Variants in PIWIL1 observed in about 807,000 individuals in gnomAD.
The protein encoded by PIWIL1 is piwi-like protein 1.
PIWIL1 carries 73 observed loss-of-function variants against 114.4 expected under a neutral mutation model. That is an observed-to-expected ratio of 0.64 (90% CI 0.53 to 0.78). The LOEUF is 0.78. Among genes scored for constraint, PIWIL1 ranks in the 30% least tolerant of loss-of-function variants. The pLI is 0.00. For missense variants in PIWIL1, 723 were observed against 1,063.1 expected (o/e 0.68, Z 4.45); for synonymous variants, 375 against 369.0 (o/e 1.02, Z -0.19).
the PIWIL1 span, among the ~76,000 whole-genome samples, chr12:130,404,285 TAAG>T: frequency 1.3e-5 from 2 of 152,182 alleles, no homozygotes; most frequent in Non-Finnish European, 2.9e-5. Context: ...ACAATCATAA[TAAG>T]ATCTATATAA....
At chr12:130,373,213 A>G (rs2073841567), downstream of PIWIL1, among the ~76,000 whole-genome samples, 1 of 152,224 alleles carries the variant, frequency 6.6e-6, no homozygotes, top group South Asian at 2.1e-4. Context: ...AAACATTTCA[A>G]TGGTAGAAGT....
the PIWIL1 span, among the ~76,000 whole-genome samples, chr12:130,403,502 C>T: frequency 6.6e-6 from 1 of 152,152 alleles, no homozygotes; most frequent in African/African-American, 2.4e-5. Context: ...ATGAAAAGTA[C>T]ATTCCTCTGA....
chr12:130,356,765 C>T (rs955379074), intron 12 of PIWIL1, among the ~76,000 whole-genome samples, 153 bp from the exon 13 acceptor site: 7 of 151,978 alleles, frequency 4.6e-5, no homozygotes, highest in Admixed American at 4.6e-4. Context: ...AGAGTCTACC[C>T]CCATTGAGGA....
the PIWIL1 span, among the ~76,000 whole-genome samples, chr12:130,416,761 T>A: frequency 6.6e-6 from 1 of 151,986 alleles, no homozygotes; most frequent in East Asian, 1.9e-4. Flanking sequence ...CAAAAGAAAC[T>A]ATCAACAGAG....
At chr12:130,395,440 A>ACTT in the PIWIL1 span, among the ~76,000 whole-genome samples, 1 of 152,172 alleles carries the variant, frequency 6.6e-6, no homozygotes, top group Non-Finnish European at 1.5e-5. Flanking sequence ...AATTGTACTT[A>ACTT]CTTATAAAAT....
Position 130,345,746 on chromosome 12 carries a change from T to A in PIWIL1, c.191-7T>A. 6.2e-7 allele frequency: 1 copy of A among 1,613,526 alleles called. No individual in the cohort carries two copies. ...TATGTTGCTCAAGTACACAATTTTT[T>A]TTTAAGGACTCCAGATATCTGCTGG... On this transcript the variant is annotated splice_polypyrimidine_tract_variant and splice_region_variant and intron_variant, in intron 3 of 20. Transcript: ENST00000245255.
chr12:130,355,755 A>G, intron 12 of PIWIL1, 88 bp downstream of exon 12: 1 of 890,942 alleles, frequency 1.1e-6, no homozygotes, highest in Non-Finnish European at 1.9e-6. Context: ...GTGCAATCTC[A>G]GCTCACTGCA....
At chr12:130,424,811 G>C in the PIWIL1 span, 1 of 1,232,606 alleles carries the variant, frequency 8.1e-7, no homozygotes, top group Admixed American at 4.2e-5. The surrounding 1 kb of genome is among the most constrained non-coding windows in gnomAD (Gnocchi z 9.8). Context: ...GGGGAAACTC[G>C]GGCTGCTCCC....
At chr12:130,346,829 G>A (rs1457404284) in intron 5 of PIWIL1, 112 bp from the exon 6 acceptor site, 1 of 1,375,712 alleles carries the variant, frequency 7.3e-7, no homozygotes, top group Non-Finnish European at 9.8e-7. Context: ...AAAAAATCCA[G>A]TTAAAACATT....
At chr12:130,388,821 T>C in the PIWIL1 span, among the ~76,000 whole-genome samples, 2 of 152,194 alleles carry the variant, frequency 1.3e-5, no homozygotes, top group African/African-American at 4.8e-5. Flanking sequence ...TCTAATGATT[T>C]GCCTGTAGTA....
chr12:130,402,756 C>T, the PIWIL1 span, among the ~76,000 whole-genome samples: 2 of 152,076 alleles, frequency 1.3e-5, no homozygotes, highest in Non-Finnish European at 2.9e-5. Context: ...TCTCTGTGCC[C>T]CAGTCAGTGA....
chr12:130,354,461 A>G (rs2073305878), intron 9 of PIWIL1, 76 bp from the exon 10 acceptor site: 3 of 1,580,838 alleles, frequency 1.9e-6, no homozygotes, highest in Non-Finnish European at 2.6e-6. Context: ...TTTTTAAAAA[A>G]TGAAACCCTT....
downstream of PIWIL1, among the ~76,000 whole-genome samples, chr12:130,374,962 C>T (rs534147327): frequency 1.2e-3 from 180 of 152,270 alleles, no homozygotes; most frequent in African/African-American, 4.0e-3. Flanking sequence ...CTACACTTCT[C>T]GTCTGCCAAG....
At chr12:130,357,363 C>T (rs542143017) in intron 13 of PIWIL1, 118 bp from the exon 14 acceptor site, 10 of 753,692 alleles carry the variant, frequency 1.3e-5, no homozygotes, top group South Asian at 3.6e-5. Context: ...TGGCTAGTCT[C>T]GGTGTTTGAT....
At chr12:130,342,025 G>C (rs1344528348) in intron 1 of PIWIL1, among the ~76,000 whole-genome samples, 1 of 152,204 alleles carries the variant, frequency 6.6e-6, no homozygotes, top group Admixed American at 6.5e-5. Context: ...TGAGGTAGAA[G>C]AGATACTAGT....
the PIWIL1 span, among the ~76,000 whole-genome samples, chr12:130,399,391 C>T: frequency 1.3e-5 from 2 of 152,158 alleles, no homozygotes; most frequent in East Asian, 1.9e-4. Context: ...CCCCTTTTCA[C>T]TCTTGATCAA....
At position 130,346,573 on chromosome 12, in the gene PIWIL1, C is replaced by T. The variant is rs757822744; in HGVS notation, c.520C>T (p.Leu174=). 4.3e-6 allele frequency: 7 copies of T among 1,612,260 alleles called. No individual in the cohort carries two copies. The East Asian group carries it at 1.6e-4, about 36-fold the overall frequency. Reference sequence around the variant, plus strand: ...AACGATATTATTTTTACCTAAAAGACTACAGCAAAAGGTTATTTGGGAAAA... The same window carrying T: ...AACGATATTATTTTTACCTAAAAGATTACAGCAAAAGGTTATTTGGGAAAA... ...DGTILFLPKR[L]QQKVTEVFSK... Residue 174 remains leucine, a synonymous_variant, in exon 5 of 21, where the codon CTA becomes TTA. Transcript: ENST00000245255.
downstream of PIWIL1, among the ~76,000 whole-genome samples, chr12:130,374,511 T>C (rs555170731): frequency 6.6e-6 from 1 of 152,328 alleles, no homozygotes; most frequent in East Asian, 1.9e-4. Flanking sequence ...TCCCTGCACT[T>C]GGAGTAAGAT....
At chr12:130,424,573 A>AG in the PIWIL1 span, 9 of 1,231,784 alleles carry the variant, frequency 7.3e-6, no homozygotes, top group Non-Finnish European at 9.1e-6. This position sits in a 1 kb window ranked among gnomAD's most constrained non-coding sequence, Gnocchi z 9.8. Context: ...TCCAGAAGGA[A>AG]GTCCTCCACG....
Sources: gnomAD v4.1 joint callset for allele counts (sites outside exome capture counted in the v4.1 genomes callset) on GRCh38, gnomAD v4.1.1 for gene constraint, Gnocchi (gnomAD v3.1) non-coding constraint, MANE v1.5 for transcripts, NCBI Gene and HGNC (gene_info 2026-07-23, HGNC 2026-07-21) for gene names.